NCALD: variants seen among roughly 807,000 people sequenced by gnomAD.
The protein encoded by NCALD is neurocalcin-delta.
Under a neutral mutation model 18.6 loss-of-function variants are expected in NCALD, and 10 were observed. That is an observed-to-expected ratio of 0.54 (90% CI 0.33 to 0.91). NCALD has a LOEUF of 0.91. Among genes scored for constraint, NCALD ranks in the 40% least tolerant of loss-of-function variants. The probability of loss-of-function intolerance (pLI) is 0.03; values close to 1 mark genes in which losing one functional copy is unlikely to be tolerated. For missense variants in NCALD, 184 were observed against 247.6 expected (o/e 0.74, Z 1.72); for synonymous variants, 88 against 87.4 (o/e 1.01, Z -0.04).
At position 101,854,903 on chromosome 8, in the gene NCALD, G is replaced by A. The variant is rs1815244774; in HGVS notation, c.-20+32238C>T. 2.0e-5 allele frequency among the ~76,000 whole-genome samples: 3 copies of A among 152,124 alleles called. No homozygotes were observed. In the South Asian group the frequency reaches 6.2e-4, roughly 32 times the overall value. On this transcript the variant is annotated intron_variant, in intron 4 of 6. Transcript: ENST00000311028. ...AAGTAGCATGCACTATTAGGTACTAGGGATACTGAGATCAATAATGCCATT... is the reference window on the plus strand; with the variant it reads ...AAGTAGCATGCACTATTAGGTACTAAGGATACTGAGATCAATAATGCCATT...
At chr8:102,107,241 C>CATATATATATATATATATATAT (rs1825496152) in intron 1 of NCALD, among the ~76,000 whole-genome samples, 4 of 67,926 alleles carry the variant, frequency 5.9e-5, no homozygotes, top group Admixed American at 1.7e-4. Context: ...TATATATATA[C>CATATATATATATATATATATAT]ACATAGAAAT....
At chr8:101,730,479 CA>C (rs869241027) in intron 1 of NCALD, among the ~76,000 whole-genome samples, 168 of 43,636 alleles carry the variant, frequency 3.9e-3, no homozygotes, top group South Asian at 0.03. Flanking sequence ...GACTCCATCT[CA>C]AAAAAAAAAA....
At chr8:101,969,141 T>C (rs1264945063) in intron 2 of NCALD, among the ~76,000 whole-genome samples, 1 of 152,208 alleles carries the variant, frequency 6.6e-6, no homozygotes, top group Non-Finnish European at 1.5e-5. Flanking sequence ...TTAAATCTGG[T>C]GACATACAGA....
At chr8:101,822,930 G>T (rs1813780706) in intron 4 of NCALD, among the ~76,000 whole-genome samples, 1 of 152,124 alleles carries the variant, frequency 6.6e-6, no homozygotes, top group Non-Finnish European at 1.5e-5. Context: ...TACCTAACAT[G>T]GCTTCTGTTT....
intron 3 of NCALD, among the ~76,000 whole-genome samples, chr8:101,896,410 C>A (rs1165897030): frequency 1.3e-5 from 2 of 152,178 alleles, no homozygotes; most frequent in East Asian, 3.9e-4. Context: ...ACCATAAAAA[C>A]CCTAGAAGAA....
intron 1 of NCALD, among the ~76,000 whole-genome samples, chr8:101,740,181 A>G (rs957603836): frequency 5.9e-5 from 9 of 152,234 alleles, no homozygotes; most frequent in Non-Finnish European, 1.3e-4. Flanking sequence ...TTTTAGAATC[A>G]TGTACAGGGT....
chr8:101,743,785 GCA>G (rs1810312681), intron 1 of NCALD, among the ~76,000 whole-genome samples: 1 of 152,168 alleles, frequency 6.6e-6, no homozygotes, highest in Admixed American at 6.5e-5. Context: ...TGAGGATGAG[GCA>G]CACAGCAAAG....
At position 101,980,463 on chromosome 8, in the gene NCALD, C is replaced by T. The variant is rs191234635; in HGVS notation, c.-157+39774G>A. On this transcript the variant is annotated intron_variant, in intron 2 of 6. Transcript: ENST00000311028. ...AAGGGCTAGGATCAGACCCACGCTTCGCAAGAGAAAGACTATTGGCGAAGG... is the reference window on the plus strand; with the variant it reads ...AAGGGCTAGGATCAGACCCACGCTTTGCAAGAGAAAGACTATTGGCGAAGG... Among the ~76,000 whole-genome samples the T allele has an allele frequency of 2.5e-3, 384 of 152,098 alleles. 3 individuals are homozygous for T. The highest frequency in any genetic ancestry group is 8.7e-3 in the African/African-American group (362 of 41,454).
chr8:101,967,913 C>T (rs1206274880), intron 2 of NCALD, among the ~76,000 whole-genome samples: 3 of 152,080 alleles, frequency 2.0e-5, no homozygotes, highest in Admixed American at 6.6e-5. Flanking sequence ...TGCCAAGGCA[C>T]GTTAGCCAGA....
chr8:101,944,013 C>T (rs1165244465), intron 2 of NCALD, among the ~76,000 whole-genome samples: 1 of 152,102 alleles, frequency 6.6e-6, no homozygotes. Flanking sequence ...GGCAACTTGT[C>T]CTGCTTACTC....
chr8:101,812,190 G>A (rs1365086385), intron 4 of NCALD, among the ~76,000 whole-genome samples: 1 of 152,130 alleles, frequency 6.6e-6, no homozygotes, highest in Admixed American at 6.6e-5. Context: ...AGGCAGTGTG[G>A]TCATTCAAAG....
intron 4 of NCALD, among the ~76,000 whole-genome samples, chr8:101,834,174 T>C (rs369344181): frequency 1.3e-5 from 2 of 152,244 alleles, no homozygotes; most frequent in African/African-American, 2.4e-5. Context: ...AAAGGGAGCA[T>C]GAAACAGAAA....
At chr8:101,790,042 T>C (rs1275017556) in intron 1 of NCALD, among the ~76,000 whole-genome samples, 2 of 152,248 alleles carry the variant, frequency 1.3e-5, no homozygotes, top group Admixed American at 6.5e-5. Context: ...CTTGTGTCAA[T>C]GATACTTTTC....
intron 1 of NCALD, among the ~76,000 whole-genome samples, chr8:101,749,037 G>A (rs1409627978): frequency 6.6e-6 from 1 of 152,190 alleles, no homozygotes; most frequent in African/African-American, 2.4e-5. Flanking sequence ...TAATTGTGCA[G>A]CAGCATCTTG....
intron 4 of NCALD, among the ~76,000 whole-genome samples, chr8:101,835,170 G>A (rs751654571): frequency 7.2e-5 from 11 of 152,262 alleles, no homozygotes; most frequent in Non-Finnish European, 1.5e-4. Flanking sequence ...ATCGGATGCT[G>A]TAACAAGTAA....
At chr8:102,023,822 C>T (rs76570509) in intron 1 of NCALD, among the ~76,000 whole-genome samples, 4,685 of 148,460 alleles carry the variant, frequency 0.032, 109 homozygotes, top group East Asian at 0.096. Context: ...ATCTTGTCAT[C>T]GTGGTGCCTT....
At chr8:101,834,454 C>T (rs1009135402) in intron 4 of NCALD, among the ~76,000 whole-genome samples, 3 of 152,210 alleles carry the variant, frequency 2.0e-5, no homozygotes, top group East Asian at 1.9e-4. Context: ...GCTAGGCCAC[C>T]GGATGGGCCT....
chr8:101,928,552 T>C lies in NCALD; in HGVS notation c.-156-12694A>G, dbSNP rs150537125. The stretch of plus-strand genomic sequence containing the variant: ...GATGCTGCCCTCAGGTACTCTGAAG[T>C]GCAAATACCTGCTCGCCTCTAAATC... On this transcript the variant is annotated intron_variant, in intron 2 of 6. Transcript: ENST00000311028. Among the ~76,000 whole-genome samples the C allele has an allele frequency of 7.9e-3, 1,207 of 152,210 alleles. 14 individuals are homozygous for C. Among genetic ancestry groups the C allele is most frequent in the African/African-American group, 0.027 (1,120 of 41,516 alleles).
At chr8:101,719,013 C>G (rs1179035744) in intron 2 of NCALD, among the ~76,000 whole-genome samples, 1 of 152,140 alleles carries the variant, frequency 6.6e-6, no homozygotes, top group Non-Finnish European at 1.5e-5. Flanking sequence ...TTAAATGCAC[C>G]TATGACCCGG....
Sources: gnomAD v4.1 joint callset for allele counts (sites outside exome capture counted in the v4.1 genomes callset) on GRCh38, gnomAD v4.1.1 for gene constraint, MANE v1.5 for transcripts, NCBI Gene and HGNC (gene_info 2026-07-23, HGNC 2026-07-21) for gene names.